Variants in KIAA1549L observed in about 807,000 individuals in gnomAD.
KIAA1549L encodes UPF0606 protein KIAA1549L.
In KIAA1549L, 88 loss-of-function variants were observed where a neutral mutation model predicts 160.7. The ratio of observed to expected loss-of-function variants is 0.55; its 90% CI spans 0.46 to 0.65. The LOEUF (loss-of-function observed/expected upper bound fraction) is 0.65. KIAA1549L is among the 30% of genes least tolerant of loss of function. The pLI is 0.00. For missense variants in KIAA1549L, 2,258 were observed against 2,437.5 expected (o/e 0.93, Z 1.55); for synonymous variants, 950 against 976.7 (o/e 0.97, Z 0.51).
intron 1 of KIAA1549L, among the ~76,000 whole-genome samples, chr11:33,453,269 A>T (rs1260032516): frequency 6.6e-6 from 1 of 152,204 alleles, no homozygotes; most frequent in African/African-American, 2.4e-5. Flanking sequence ...GGGCCTGTCT[A>T]AATTTTTCCA....
At chr11:33,555,157 G>C (rs925452640) in intron 6 of KIAA1549L, among the ~76,000 whole-genome samples, 1 of 127,896 alleles carries the variant, frequency 7.8e-6, no homozygotes, top group African/African-American at 3.1e-5. Flanking sequence ...CAAAAAATTA[G>C]TATATTAAAG....
chr11:33,647,790 T>TA (rs11363213), intron 17 of KIAA1549L, among the ~76,000 whole-genome samples: 9 of 150,692 alleles, frequency 6.0e-5, no homozygotes, highest in South Asian at 2.1e-4. Flanking sequence ...TAAAACCATC[T>TA]AAAAAAAAAA....
intron 1 of KIAA1549L, among the ~76,000 whole-genome samples, chr11:33,378,548 T>C (rs1187991934): frequency 2.6e-5 from 4 of 152,194 alleles, no homozygotes; most frequent in Non-Finnish European, 5.9e-5. Context: ...GGAAAGATGC[T>C]TTGATTACAA....
At chr11:33,595,089 ACTT>A (rs1392371260) in intron 12 of KIAA1549L, among the ~76,000 whole-genome samples, 2 of 152,194 alleles carry the variant, frequency 1.3e-5, no homozygotes, top group Non-Finnish European at 2.9e-5. Context: ...TAGAATAAGC[ACTT>A]CTTCTTGGAT....
chr11:33,543,309 G>A lies in KIAA1549L; in HGVS notation c.1746G>A (p.Gln582=), dbSNP rs1260559973. ...AGGCAAATGTGACGATTCCTCTCCA[G>A]GCCTTTCCAAGGAAAGAGGTTTTGA... ...NEEANVTIPL[Q]AFPRKEVLSL... is the part of the protein sequence containing the mutation. Residue 582 remains glutamine, a synonymous_variant, in exon 2 of 21, where the codon CAG becomes CAA. Coordinates refer to ENST00000658780, the MANE Select transcript of KIAA1549L (RefSeq NM_012194.3). The A allele has an allele frequency of 1.9e-6, 3 of 1,613,886 alleles. No individual in the cohort carries two copies. In the African/African-American group the frequency reaches 4.0e-5, roughly 22 times the overall value.
chr11:33,617,917 G>A (rs1590402854), intron 15 of KIAA1549L, among the ~76,000 whole-genome samples: 1 of 150,576 alleles, frequency 6.6e-6, no homozygotes, highest in East Asian at 1.9e-4. Context: ...ACGGATGGAC[G>A]GATGGATGGA....
At chr11:33,620,051 A>G (rs1478317212) in intron 16 of KIAA1549L, among the ~76,000 whole-genome samples, 2 of 152,224 alleles carry the variant, frequency 1.3e-5, no homozygotes, top group Admixed American at 6.5e-5. Flanking sequence ...GATTGTAGGC[A>G]AAGACACCTT....
chr11:33,549,024 GA>G (rs1854363370), intron 4 of KIAA1549L, among the ~76,000 whole-genome samples: 1 of 152,336 alleles, frequency 6.6e-6, no homozygotes, highest in Admixed American at 6.5e-5. Context: ...ATGGGAAGTT[GA>G]AAATGTGAAT....
rs1852690389 is a variant in KIAA1549L at position 33,672,151 on chromosome 11, C to T, written c.*3997C>T. ...AGACAGCTACCTTTGCTCTTGCTCTCACATTCTCTGTCCTCATGGACTTTC... is the reference window on the plus strand; with the variant it reads ...AGACAGCTACCTTTGCTCTTGCTCTTACATTCTCTGTCCTCATGGACTTTC... On this transcript the variant is annotated 3_prime_UTR_variant, in exon 21 of 21. Coordinates refer to ENST00000658780, the MANE Select transcript of KIAA1549L (RefSeq NM_012194.3). 1 of 152,238 alleles carries T rather than the reference C, an allele frequency of 6.6e-6. No homozygotes were observed. The highest frequency in any genetic ancestry group is 2.4e-5 in the African/African-American group (1 of 41,456). The allele number at this position is 152,238 out of a possible 1,614,324, so 9.4% of individuals were successfully genotyped here.
intron 1 of KIAA1549L, among the ~76,000 whole-genome samples, chr11:33,450,047 G>C (rs564795037): frequency 6.6e-6 from 1 of 152,192 alleles, no homozygotes; most frequent in Non-Finnish European, 1.5e-5. Context: ...TTGGCTTTAT[G>C]GTATGCTTGT....
chr11:33,419,857 T>TATAC (rs60868652), intron 1 of KIAA1549L, among the ~76,000 whole-genome samples: 8,888 of 136,412 alleles, frequency 0.065, 304 homozygotes, highest in Middle Eastern at 0.1. Context: ...AAAAAAATGT[T>TATAC]ATACATACAT....
chr11:33,522,150 T>C (rs558586851), intron 1 of KIAA1549L, among the ~76,000 whole-genome samples: 1 of 152,276 alleles, frequency 6.6e-6, no homozygotes, highest in Admixed American at 6.5e-5. Flanking sequence ...TCTTTTTGAG[T>C]TTGGATGTTC....
At chr11:33,616,085 A>G (rs181649242) in intron 15 of KIAA1549L, among the ~76,000 whole-genome samples, 2 of 152,282 alleles carry the variant, frequency 1.3e-5, no homozygotes, top group East Asian at 3.9e-4. Flanking sequence ...GCTGCAAATG[A>G]TGGAAATCCA....
At chr11:33,557,003 T>A (rs908935464) in intron 6 of KIAA1549L, among the ~76,000 whole-genome samples, 1 of 152,208 alleles carries the variant, frequency 6.6e-6, no homozygotes, top group Non-Finnish European at 1.5e-5. Context: ...TCATTTTGTT[T>A]TAGAGGCAGG....
chr11:33,377,881 T>A (rs1017954111), intron 1 of KIAA1549L, among the ~76,000 whole-genome samples: 1 of 152,224 alleles, frequency 6.6e-6, no homozygotes, highest in Non-Finnish European at 1.5e-5. Context: ...ATATTTCTCG[T>A]CTTCAGCAGC....
intron 1 of KIAA1549L, among the ~76,000 whole-genome samples, chr11:33,392,270 C>T (rs1428547716): frequency 1.3e-5 from 2 of 152,176 alleles, no homozygotes; most frequent in Non-Finnish European, 2.9e-5. Context: ...ATATAGTAAA[C>T]ACCCCTATAT....
At chr11:33,456,223 G>A (rs566111392) in intron 1 of KIAA1549L, among the ~76,000 whole-genome samples, 2 of 152,258 alleles carry the variant, frequency 1.3e-5, no homozygotes, top group East Asian at 1.9e-4. Context: ...AACTCCAATC[G>A]ATGACCTAAT....
intron 1 of KIAA1549L, among the ~76,000 whole-genome samples, chr11:33,531,950 A>G (rs1853783723): frequency 6.6e-6 from 1 of 152,156 alleles, no homozygotes; most frequent in Non-Finnish European, 1.5e-5. Flanking sequence ...ACTCTGAAGA[A>G]TGAGGCAGCT....
intron 10 of KIAA1549L, among the ~76,000 whole-genome samples, chr11:33,582,969 C>A (rs1855690742): frequency 1.3e-5 from 2 of 152,212 alleles, no homozygotes; most frequent in Non-Finnish European, 2.9e-5. Flanking sequence ...CTGCACATTT[C>A]TCAGCTTCAC....
Sources: gnomAD v4.1 joint callset for allele counts (sites outside exome capture counted in the v4.1 genomes callset) on GRCh38, gnomAD v4.1.1 for gene constraint, MANE v1.5 for transcripts, NCBI Gene and HGNC (gene_info 2026-07-23, HGNC 2026-07-21) for gene names.